Variants in COLEC10 observed in about 807,000 individuals in gnomAD.
The protein encoded by COLEC10 is collectin-10.
In COLEC10, 22 loss-of-function variants were observed where a neutral mutation model predicts 28.4. The observed-to-expected ratio is 0.78, with a 90% CI of 0.55 to 1.11. COLEC10 has a LOEUF of 1.11. COLEC10 is among the 50% of genes least tolerant of loss of function. The pLI is 0.00. For synonymous variants in COLEC10, 125 were observed against 116.1 expected (o/e 1.08, Z -0.49); for missense variants, 361 against 344.1 (o/e 1.05, Z -0.39).
chr8:119,001,150 T>G (rs1351554202), intron 1 of COLEC10, among the ~76,000 whole-genome samples: 2 of 152,106 alleles, frequency 1.3e-5, no homozygotes, highest in African/African-American at 2.4e-5. Context: ...GTGATGATAT[T>G]GAGGATGCTA....
intron 1 of COLEC10, among the ~76,000 whole-genome samples, chr8:119,070,470 T>TCTCTCTCTCTCTCC (rs1815085877): frequency 7.8e-6 from 1 of 127,988 alleles, no homozygotes; most frequent in African/African-American, 3.4e-5. Flanking sequence ...TCTCTCTCTC[T>TCTCTCTCTCTCTCC]CTCTCTCCTT....
intron 2 of COLEC10, among the ~76,000 whole-genome samples, chr8:119,013,923 A>T (rs1813944785): frequency 6.6e-6 from 1 of 150,764 alleles, no homozygotes; most frequent in Non-Finnish European, 1.5e-5. Flanking sequence ...GCAATAATGT[A>T]TTGTTTCACA....
chr8:119,026,456 T>A (rs1459440613), intron 2 of COLEC10, among the ~76,000 whole-genome samples: 2 of 152,132 alleles, frequency 1.3e-5, no homozygotes, highest in African/African-American at 4.8e-5. Flanking sequence ...CAATCCCAGC[T>A]ACTTGGGAGG....
At chr8:119,019,670 C>T (rs960651400) in intron 2 of COLEC10, among the ~76,000 whole-genome samples, 4 of 152,248 alleles carry the variant, frequency 2.6e-5, no homozygotes, top group African/African-American at 4.8e-5. Context: ...TGAACCTCCC[C>T]CACTCCTTAC....
At chr8:119,069,167 C>T (rs1009266492) in intron 1 of COLEC10, among the ~76,000 whole-genome samples, 3 of 152,116 alleles carry the variant, frequency 2.0e-5, no homozygotes, top group Admixed American at 6.5e-5. Flanking sequence ...CCAATTTATG[C>T]TTTTTCTTTG....
rs529891898 is a variant in COLEC10, at chr8:119,006,102, C to T, written n.123-3339C>T. On this transcript the variant is annotated intron_variant and non_coding_transcript_variant, in intron 1 of 6. Transcript: ENST00000521788. ...AATCTTTGTGGAGTTCATTTTCTACCCTCTGTCTCTGACTCAGATGTCTCT... is the reference window on the plus strand; with the variant it reads ...AATCTTTGTGGAGTTCATTTTCTACTCTCTGTCTCTGACTCAGATGTCTCT... Among the ~76,000 whole-genome samples, 17 of 152,028 alleles carry T rather than the reference C, an allele frequency of 1.1e-4. 1 individual carries two copies. The South Asian group carries it at 3.5e-3, about 32-fold the overall frequency.
rs1031386225 is a variant in COLEC10 at position 119,107,928 on chromosome 8, T to G, written c.*1737T>G. Among the ~76,000 whole-genome samples the G allele has an allele frequency of 3.9e-5, 6 of 152,188 alleles. No individual in the cohort carries two copies. Among genetic ancestry groups the G allele is most frequent in the African/African-American group, 1.4e-4 (6 of 41,454 alleles). On this transcript the variant is annotated 3_prime_UTR_variant, in exon 6 of 6. Coordinates refer to ENST00000332843, the MANE Select transcript of COLEC10 (RefSeq NM_006438.5). ...TAAAAATTAATTAAAATTAAAGATT[T>G]GAGGTCAAAAGTCTTCTAGCTAAAG...
At chr8:119,009,819 C>A (rs1813872426) in intron 2 of COLEC10, among the ~76,000 whole-genome samples, 1 of 146,018 alleles carries the variant, frequency 6.8e-6, no homozygotes, top group South Asian at 2.2e-4. Flanking sequence ...TAACAACTTA[C>A]CCGCAATTGA....
chr8:118,987,551 G>A, the COLEC10 span, among the ~76,000 whole-genome samples: 1 of 152,070 alleles, frequency 6.6e-6, no homozygotes, highest in South Asian at 2.1e-4. Context: ...GAAACGGGGT[G>A]ATAATCTGTC....
chr8:119,102,423 C>CT (rs1190233427), intron 4 of COLEC10, 22 bp downstream of exon 4: 24 of 1,574,064 alleles, frequency 1.5e-5, no homozygotes, highest in Non-Finnish European at 2.1e-5. Flanking sequence ...TCAATGTTCT[C>CT]TTTGATTTCT....
chr8:119,000,464 A>G (rs1402491952), intron 1 of COLEC10, among the ~76,000 whole-genome samples: 1 of 152,098 alleles, frequency 6.6e-6, no homozygotes, highest in Non-Finnish European at 1.5e-5. Flanking sequence ...GCACAGACCA[A>G]GTGCACAGAG....
At position 118,998,199 on chromosome 8, in the gene COLEC10, A is replaced by T. The variant is rs547879527; in HGVS notation, n.122+2626A>T. On this transcript the variant is annotated intron_variant and non_coding_transcript_variant, in intron 1 of 6. Coordinates refer to the COLEC10 transcript ENST00000521788. ...ATATAAAGATTTTATATTCCTCTAA[A>T]ATTGGTGTGAATTTAGAAGAAAGAA... 2.4e-4 allele frequency among the ~76,000 whole-genome samples: 20 copies of T among 83,674 alleles called. No individual in the cohort carries two copies. The South Asian group carries it at 7.6e-3, about 32-fold the overall frequency. The allele number at this position is 83,674 out of a possible 152,430, so 54.9% of individuals were successfully genotyped here.
intron 1 of COLEC10, among the ~76,000 whole-genome samples, chr8:119,072,101 C>A (rs138562667): frequency 2.6e-5 from 4 of 152,204 alleles, no homozygotes; most frequent in African/African-American, 7.2e-5. Flanking sequence ...ACTAAGGAAG[C>A]CTTTCTGACG....
chr8:119,066,797 A>T (rs1051050061), upstream of COLEC10, among the ~76,000 whole-genome samples: 2 of 152,222 alleles, frequency 1.3e-5, no homozygotes, highest in Non-Finnish European at 2.9e-5. Flanking sequence ...CATGGAGGGC[A>T]TTGGAAGCAT....
intron 2 of COLEC10, among the ~76,000 whole-genome samples, chr8:119,045,138 G>C (rs559218115): frequency 6.6e-6 from 1 of 152,052 alleles, no homozygotes; most frequent in Admixed American, 6.6e-5. Flanking sequence ...ATTTCAGAAG[G>C]GATGAGAAAT....
the COLEC10 span, among the ~76,000 whole-genome samples, chr8:118,988,852 G>T: frequency 9.7e-4 from 147 of 152,240 alleles, no homozygotes; most frequent in African/African-American, 3.2e-3. Flanking sequence ...CTAACTCCTA[G>T]CCAGATTAAC....
the COLEC10 span, among the ~76,000 whole-genome samples, chr8:118,973,331 A>T: frequency 6.6e-6 from 1 of 151,990 alleles, no homozygotes; most frequent in Non-Finnish European, 1.5e-5. Context: ...AGGGTCTTCT[A>T]TAAGACTGCA....
chr8:118,960,365 C>T, the COLEC10 span, among the ~76,000 whole-genome samples: 1 of 152,158 alleles, frequency 6.6e-6, no homozygotes, highest in African/African-American at 2.4e-5. Context: ...CAGACCTAAG[C>T]TTCTTTTGTA....
chr8:119,023,081 T>C (rs1175721458), intron 2 of COLEC10, among the ~76,000 whole-genome samples: 6 of 152,130 alleles, frequency 3.9e-5, no homozygotes, highest in Admixed American at 3.9e-4. Flanking sequence ...CTTCAAGCCT[T>C]TGCTTAAATA....
Sources: allele counts gnomAD v4.1 joint callset (sites outside exome capture counted in the v4.1 genomes callset), GRCh38; gene constraint gnomAD v4.1.1; transcripts MANE v1.5; gene names NCBI Gene and HGNC (gene_info 2026-07-23, HGNC 2026-07-21).